Variants in OPRK1 observed in about 807,000 individuals in gnomAD.
OPRK1 encodes the protein opioid receptor kappa 1, also known as kappa-type opioid receptor.
OPRK1 carries 15 observed loss-of-function variants against 24.5 expected under a neutral mutation model. The observed-to-expected ratio is 0.61, with a 90% CI of 0.41 to 0.94. The LOEUF (loss-of-function observed/expected upper bound fraction) is 0.94. Among genes scored for constraint, OPRK1 ranks in the 40% least tolerant of loss-of-function variants. The pLI is 0.00. For synonymous variants in OPRK1, 205 were observed against 198.0 expected, an observed-to-expected ratio of 1.04 and a Z score of -0.30; for missense variants, 479 against 507.3, an observed-to-expected ratio of 0.94 and a Z score of 0.54.
At chr8:53,246,572 G>A (rs1807234571) in intron 2 of OPRK1, among the ~76,000 whole-genome samples, 1 of 150,616 alleles carries the variant, frequency 6.6e-6, no homozygotes, top group African/African-American at 2.5e-5. Context: ...ACAGTAGAAA[G>A]GAGATAGCTT....
chr8:53,251,256 T>C, intron 1 of OPRK1, 171 bp from the exon 2 acceptor site: 1 of 704,272 alleles, frequency 1.4e-6, no homozygotes, highest in Non-Finnish European at 2.2e-6. Context: ...GGCGCGCCGC[T>C]GGGTGCCAGA....
At chr8:53,242,435 C>T (rs1447384023) in intron 2 of OPRK1, 1 of 157,682 alleles carries the variant, frequency 6.3e-6, no homozygotes, top group African/African-American at 2.4e-5. Flanking sequence ...TTTGAGTGAG[C>T]TCAACAGGAG....
At position 53,227,454 on chromosome 8, in the gene OPRK1, A is replaced by C. The variant is rs1806730015; in HGVS notation, c.*1843T>G. 6.6e-6 allele frequency: 1 copy of C among 152,190 alleles called. No homozygotes were observed. The allele number at this position is 152,190 out of a possible 1,614,324, so 9.4% of individuals were successfully genotyped here. ...GGGCTTGTTTCTGGAACTATCCTCT[A>C]TATAGATATCCTTCCTGTACCATAG... On this transcript the variant is annotated 3_prime_UTR_variant, in exon 4 of 4. Transcript: ENST00000265572.
Position 53,244,885 on chromosome 8 carries a change from T to A in OPRK1, c.257+5896A>T, listed in dbSNP as rs74541059. Among the ~76,000 whole-genome samples the A allele has an allele frequency of 5.3e-3, 808 of 152,266 alleles. 13 individuals carry two copies. The highest frequency in any genetic ancestry group is 0.017 in the African/African-American group (717 of 41,558). The stretch of plus-strand genomic sequence containing the variant: ...CTGTACGGTCCTGCCTTGGTATCCC[T>A]GGGGGAGTGGTTCCAGGATGCCCCC... On this transcript the variant is annotated intron_variant, in intron 2 of 3. Transcript: ENST00000265572.
At chr8:53,247,067 T>A (rs1423672896) in intron 2 of OPRK1, among the ~76,000 whole-genome samples, 1 of 152,166 alleles carries the variant, frequency 6.6e-6, no homozygotes, top group East Asian at 1.9e-4. Flanking sequence ...ACTGGCTTGA[T>A]CAAGGGTTAA....
At chr8:53,242,737 A>C (rs1445598618) in intron 2 of OPRK1, 8 of 922,298 alleles carry the variant, frequency 8.7e-6, no homozygotes, top group Non-Finnish European at 9.9e-6. Flanking sequence ...CCATCTCCTG[A>C]CCTCGTGATC....
chr8:53,232,557 A>G (rs933967877), intron 3 of OPRK1, among the ~76,000 whole-genome samples: 1 of 152,212 alleles, frequency 6.6e-6, no homozygotes, highest in African/African-American at 2.4e-5. Flanking sequence ...TTTTTAAAAA[A>G]GAAATTCCTG....
Position 53,234,970 on chromosome 8 carries a change from T to G in OPRK1, c.399A>C (p.Ile133=), listed in dbSNP as rs1478341223. 1 of 1,614,242 alleles carries G rather than the reference T, an allele frequency of 6.2e-7. No individual in the cohort carries two copies. The highest frequency in any genetic ancestry group is 1.7e-5 in the Admixed American group (1 of 60,026). ...SWPFGDVLCK[I]VISIDYYNMF... ...TGTTGTAGTAATCAATGGAAATTACTATCTTGCACAGCACATCCCCAAAAG... is the reference window on the plus strand; with the variant it reads ...TGTTGTAGTAATCAATGGAAATTACGATCTTGCACAGCACATCCCCAAAAG... The change falls in exon 3 of 4, where the codon ATA becomes ATC. Residue 133 remains isoleucine (I), a synonymous_variant. Transcript: ENST00000265572.
At position 53,250,988 on chromosome 8, in the gene OPRK1, G is replaced by A. The variant is rs200751305; in HGVS notation, c.50C>T (p.Ala17Val). 1.3e-6 allele frequency: 2 copies of A among 1,593,074 alleles called. No homozygotes were observed. The highest frequency in any genetic ancestry group is 1.1e-5 in the South Asian group (1 of 88,174). The change falls in exon 2 of 4, where the codon GCC (alanine) becomes GTC (valine). Residue 17 changes from alanine to valine, a missense_variant. Transcript: ENST00000265572. ...IFRGEPGPTC[A>V]PSACLPPNSS... ...GTTGGGGGGCAGGCAGGCGCTCGGG[G>A]CGCAGGTAGGGCCCGGCTCCCCGCG...
intron 2 of OPRK1, among the ~76,000 whole-genome samples, chr8:53,250,412 AGGCAAAT>A (rs1807346266): frequency 6.6e-6 from 1 of 152,196 alleles, no homozygotes; most frequent in Non-Finnish European, 1.5e-5. Flanking sequence ...AAACTGGCGC[AGGCAAAT>A]GGATTAGTTC....
In OPRK1 at chr8:53,242,979, T is replaced by C. The variant is rs1172950717; in HGVS notation, c.257+7802A>G. ...GTATTATCCCCACTCCTAAAATCTA[T>C]TCTTCATATATAAGCCTTCCTTATC... On this transcript the variant is annotated intron_variant, in intron 2 of 3. Coordinates refer to ENST00000265572, the MANE Select transcript of OPRK1 (RefSeq NM_000912.5). The C allele has an allele frequency of 3.2e-6, 4 of 1,264,086 alleles. No homozygotes were observed. In the East Asian group the frequency reaches 1.8e-4, roughly 55 times the overall value. 78.3% of individuals were successfully genotyped at this position (1,264,086 alleles called of 1,614,324 possible). A position where few individuals can be genotyped will look rare whatever the true frequency, so the allele number is the denominator to read the frequency against.
chr8:53,237,685 TG>T (rs1335258298), intron 2 of OPRK1, among the ~76,000 whole-genome samples: 1 of 152,238 alleles, frequency 6.6e-6, no homozygotes, highest in Non-Finnish European at 1.5e-5. Flanking sequence ...CCCAGGGGTT[TG>T]ATCCCAATTC....
At chr8:53,245,968 C>T (rs1807217732) in intron 2 of OPRK1, among the ~76,000 whole-genome samples, 1 of 152,068 alleles carries the variant, frequency 6.6e-6, no homozygotes, top group African/African-American at 2.4e-5. Context: ...TTAGCCAGTC[C>T]CACAGTCACC....
intron 2 of OPRK1, among the ~76,000 whole-genome samples, chr8:53,246,405 G>T (rs1274572342): frequency 6.6e-6 from 1 of 152,192 alleles, no homozygotes; most frequent in Non-Finnish European, 1.5e-5. Flanking sequence ...CAAGAAGCTT[G>T]CCTACCCATG....
At position 53,234,947 on chromosome 8, in the gene OPRK1, T is replaced by C; in HGVS notation, c.422A>G (p.Asn141Ser). Residue 141 changes from asparagine to serine, a missense_variant, in exon 3 of 4, where the codon AAC becomes AGC. By Grantham distance (46) the Asn-to-Ser change is conservative. Transcript: ENST00000265572. Reference sequence around the variant, plus strand: ...CAAGGTGAAGATGCTGGTGAACATGTTGTAGTAATCAATGGAAATTACTAT... The same window carrying C: ...CAAGGTGAAGATGCTGGTGAACATGCTGTAGTAATCAATGGAAATTACTAT... ...CKIVISIDYYNMFTSIFTLTM... is the reference protein window; with the variant it reads ...CKIVISIDYYSMFTSIFTLTM... 1 of 1,614,178 alleles carries C rather than the reference T, an allele frequency of 6.2e-7. No homozygotes were observed. Among genetic ancestry groups the C allele is most frequent in the Non-Finnish European group, 8.5e-7 (1 of 1,180,030 alleles).
rs183053846 is a variant in OPRK1, at chr8:53,243,027, T to A, written c.257+7754A>T. On this transcript the variant is annotated intron_variant, in intron 2 of 3. Coordinates refer to ENST00000265572, the MANE Select transcript of OPRK1 (RefSeq NM_000912.5). ...ATCCAAGACATAAACCAGCACCCCC[T>A]CCAAAGAAAGGGAAAAAAAGGGACT... 3.5e-5 allele frequency: 41 copies of A among 1,156,774 alleles called. No individual in the cohort carries two copies. In the Admixed American group the frequency reaches 1.0e-3, roughly 29 times the overall value. 71.7% of individuals were successfully genotyped at this position (1,156,774 alleles called of 1,614,324 possible).
Position 53,229,327 on chromosome 8 carries a change from C to G in OPRK1, c.1113G>C (p.Arg371Ser). The change falls in exon 4 of 4, where the codon AGG becomes AGC. Residue 371 changes from arginine to serine, a missense_variant. Transcript: ENST00000265572. ...CTGGTTTATTCATCCCATCGATGTC[C>G]CTCAGGTAAGCAGGATCCTGAACTG... ...RNTVQDPAYLRDIDGMNKPV is the reference protein window; with the variant it reads ...RNTVQDPAYLSDIDGMNKPV 6.2e-7 allele frequency: 1 copy of G among 1,614,104 alleles called. No individual in the cohort carries two copies. Among genetic ancestry groups the G allele is most frequent in the Non-Finnish European group, 8.5e-7 (1 of 1,179,976 alleles).
chr8:53,249,576 T>C (rs542780667), intron 2 of OPRK1, among the ~76,000 whole-genome samples: 1 of 152,264 alleles, frequency 6.6e-6, no homozygotes, highest in South Asian at 2.1e-4. Context: ...GCGACTTAAA[T>C]GATGGTTTTT....
At chr8:53,247,990 CAAAAAAAAAAAAAA>C (rs767911838) in intron 2 of OPRK1, among the ~76,000 whole-genome samples, 5 of 32,342 alleles carry the variant, frequency 1.5e-4, no homozygotes, top group Admixed American at 1.5e-3. Flanking sequence ...GATTCTGTCT[CAAAAAAAAAAAAAA>C]AAAAAAAAAA....
Sources: allele counts gnomAD v4.1 joint callset (sites outside exome capture counted in the v4.1 genomes callset), GRCh38; gene constraint gnomAD v4.1.1; transcripts MANE v1.5; gene names NCBI Gene and HGNC (gene_info 2026-07-23, HGNC 2026-07-21).